POU2F1: variants seen among roughly 807,000 people sequenced by gnomAD.
POU2F1 encodes POU class 2 homeobox 1.
POU2F1 carries 16 observed loss-of-function variants against 84.9 expected under a neutral mutation model. That is an observed-to-expected ratio of 0.19 (90% CI 0.13 to 0.29). POU2F1 has a LOEUF of 0.29. POU2F1 is among the 10% of genes least tolerant of loss of function. The pLI, the probability that POU2F1 is intolerant of heterozygous loss-of-function variation, is 1.00. For synonymous variants in POU2F1, 368 were observed against 368.3 expected, an observed-to-expected ratio of 1.00 and a Z score of 0.01; for missense variants, 738 against 942.6, an observed-to-expected ratio of 0.78 and a Z score of 2.84.
At chr1:167,276,174 G>A (rs1359588090) in intron 1 of POU2F1, among the ~76,000 whole-genome samples, 1 of 152,188 alleles carries the variant, frequency 6.6e-6, no homozygotes, top group Non-Finnish European at 1.5e-5. Context: ...AAATCTCACG[G>A]CATCCCACTC....
At chr1:167,279,816 G>A (rs189036336) in intron 1 of POU2F1, among the ~76,000 whole-genome samples, 6 of 152,158 alleles carry the variant, frequency 3.9e-5, no homozygotes, top group African/African-American at 1.4e-4. Flanking sequence ...TAGCAAGCAG[G>A]TTTACTTGTC....
rs1481939230 is a variant in POU2F1, at chr1:167,399,380, T to C, written c.1449+15T>C. Reference sequence around the variant, plus strand: ...CAACTTCACTGGTAAGAATAAAAAATAGGGAGTGCAAGCTCAAGGGCTAAT... The same window carrying C: ...CAACTTCACTGGTAAGAATAAAAAACAGGGAGTGCAAGCTCAAGGGCTAAT... On this transcript the variant is annotated intron_variant, in intron 12 of 15. Coordinates refer to ENST00000367866, the MANE Select transcript of POU2F1 (RefSeq NM_002697.4). 1.1e-5 allele frequency: 17 copies of C among 1,597,594 alleles called. No homozygotes were observed. Among genetic ancestry groups the C allele is most frequent in the Non-Finnish European group, 1.4e-5 (16 of 1,170,948 alleles).
intron 2 of POU2F1, among the ~76,000 whole-genome samples, chr1:167,347,418 C>T (rs912745664): frequency 6.6e-6 from 1 of 152,150 alleles, no homozygotes; most frequent in Non-Finnish European, 1.5e-5. Context: ...CATAACAGAT[C>T]ATAAGCAGCC....
chr1:167,273,831 G>T (rs769155709), intron 1 of POU2F1, among the ~76,000 whole-genome samples: 9 of 152,190 alleles, frequency 5.9e-5, no homozygotes, highest in Non-Finnish European at 8.8e-5. Flanking sequence ...TATTGCTTAA[G>T]ATAGAAAAAT....
chr1:167,338,969 T>C (rs1274887100), intron 2 of POU2F1, among the ~76,000 whole-genome samples: 1 of 152,168 alleles, frequency 6.6e-6, no homozygotes, highest in South Asian at 2.1e-4. Context: ...TACAAACTTA[T>C]TATCTTACAG....
intron 8 of POU2F1, chr1:167,387,148 C>G (rs1648040273): frequency 2.2e-6 from 1 of 455,834 alleles, no homozygotes; most frequent in Non-Finnish European, 4.4e-6. Context: ...CATCCTGACT[C>G]CTGCTCACTG....
In POU2F1 at chr1:167,358,716, C is replaced by CTTTTTTTTTTTTTTTTTTTTTTTT. The variant is rs1197814755; in HGVS notation, c.128-6730_128-6729insTTTTTTTTTTTTTTTTTTTTTTTT. ...TTCTTAATCTTTTTATTATCTGCAG[C>CTTTTTTTTTTTTTTTTTTTTTTTT]TTTTTTTTTTTTTTTTTTTTTGAGA... On this transcript the variant is annotated intron_variant, in intron 2 of 15. Coordinates refer to ENST00000367866, the MANE Select transcript of POU2F1 (RefSeq NM_002697.4). Among the ~76,000 whole-genome samples the CTTTTTTTTTTTTTTTTTTTTTTTT allele has an allele frequency of 1.6e-4, 6 of 38,354 alleles. 1 individual carries two copies. The highest frequency in any genetic ancestry group is 4.3e-4 in the African/African-American group (6 of 14,014). The allele number at this position is 38,354 out of a possible 152,430, so 25.2% of individuals were successfully genotyped here. A position where few individuals can be genotyped will look rare whatever the true frequency, so the allele number is the denominator to read the frequency against.
At chr1:167,410,517 TA>T (rs1238182222) in intron 13 of POU2F1, among the ~76,000 whole-genome samples, 11 of 151,982 alleles carry the variant, frequency 7.2e-5, no homozygotes, top group South Asian at 6.2e-4. Context: ...ATGTTATTAT[TA>T]TTATTATTAT....
chr1:167,259,910 G>T (rs867472820), intron 1 of POU2F1, among the ~76,000 whole-genome samples: 1 of 150,220 alleles, frequency 6.7e-6, no homozygotes, highest in African/African-American at 2.5e-5. Context: ...ACAGAGTCTC[G>T]CTCTGTCGCC....
chr1:167,376,184 G>C (rs1201909296), intron 7 of POU2F1, 29 bp downstream of exon 7: 1 of 1,611,796 alleles, frequency 6.2e-7, no homozygotes, highest in East Asian at 2.2e-5. Flanking sequence ...CTTATTAGTG[G>C]TATACCAAGG....
intron 13 of POU2F1, among the ~76,000 whole-genome samples, chr1:167,405,271 T>G (rs1649491066): frequency 6.6e-6 from 1 of 151,822 alleles, no homozygotes; most frequent in African/African-American, 2.4e-5. Flanking sequence ...ATAGCCACCT[T>G]AACAACAAAG....
Position 167,285,277 on chromosome 1 carries a change from T to G in POU2F1, c.62-47193T>G, listed in dbSNP as rs572862042. Reference sequence around the variant, plus strand: ...GGGTGTTGAGTAAATGTTTACCCGGTAAAAAATGGCGATATGTACTTTAGA... The same window carrying G: ...GGGTGTTGAGTAAATGTTTACCCGGGAAAAAATGGCGATATGTACTTTAGA... On this transcript the variant is annotated intron_variant, in intron 1 of 15. Transcript: ENST00000367866. Among the ~76,000 whole-genome samples, 17 of 152,312 alleles carry G rather than the reference T, an allele frequency of 1.1e-4. No individual in the cohort carries two copies. In the South Asian group the frequency reaches 2.5e-3, roughly 22 times the overall value.
intron 7 of POU2F1, chr1:167,379,358 T>C (rs1488635094): frequency 1.3e-5 from 2 of 152,254 alleles, no homozygotes; most frequent in Non-Finnish European, 2.9e-5. Context: ...ATAAAGTTCA[T>C]GTTGAAACTT....
intron 13 of POU2F1, among the ~76,000 whole-genome samples, chr1:167,405,410 G>A (rs189743618): frequency 6.6e-6 from 1 of 151,924 alleles, no homozygotes; most frequent in Non-Finnish European, 1.5e-5. Context: ...ATGTGCAGTG[G>A]CTTATGCCTA....
chr1:167,389,759 CAGGT>C lies in POU2F1; in HGVS notation c.987+2_987+5del. On this transcript the variant is annotated splice_donor_variant and coding_sequence_variant, in exon 9 of 16. Coordinates refer to ENST00000367866, the MANE Select transcript of POU2F1 (RefSeq NM_002697.4). LOFTEE classifies it high-confidence loss of function. ...AAGACGAATCAAACTTGGATTCACT[CAGGT>C]AGGGTGAATTGGCCTTACATTGATT... The C allele has an allele frequency of 6.2e-7, 1 of 1,612,566 alleles. No individual in the cohort carries two copies. The highest frequency in any genetic ancestry group is 8.5e-7 in the Non-Finnish European group (1 of 1,179,234).
intron 1 of POU2F1, among the ~76,000 whole-genome samples, chr1:167,327,195 C>T (rs530673856): frequency 6.6e-6 from 1 of 152,318 alleles, no homozygotes; most frequent in South Asian, 2.1e-4. Flanking sequence ...TATCCAGTGA[C>T]TTGATGTCTG....
intron 13 of POU2F1, among the ~76,000 whole-genome samples, chr1:167,403,166 A>G (rs12031685): frequency 0.4 from 60,441 of 151,986 alleles, 14,762 homozygotes; most frequent in East Asian, 0.7. Context: ...TCCTGGAGTG[A>G]ATTTTTTTTA....
chr1:167,342,950 A>C (rs1209245403), intron 2 of POU2F1, among the ~76,000 whole-genome samples: 1 of 152,084 alleles, frequency 6.6e-6, no homozygotes, highest in African/African-American at 2.4e-5. Flanking sequence ...ATTTCCAGAG[A>C]GCCTCAGGAG....
At chr1:167,394,170 C>T (rs539414214) in intron 9 of POU2F1, among the ~76,000 whole-genome samples, 5 of 151,946 alleles carry the variant, frequency 3.3e-5, no homozygotes, top group African/African-American at 1.2e-4. Context: ...CAGGGGTGTG[C>T]CACCACACCC....
Sources: gnomAD v4.1 joint callset for allele counts (sites outside exome capture counted in the v4.1 genomes callset) on GRCh38, gnomAD v4.1.1 for gene constraint, MANE v1.5 for transcripts, NCBI Gene and HGNC (gene_info 2026-07-23, HGNC 2026-07-21) for gene names.